Variants in CERT1 observed in about 807,000 individuals in gnomAD.
CERT1 encodes ceramide transporter 1, also known as ceramide transfer protein.
In CERT1, 31 loss-of-function variants were observed where a neutral mutation model predicts 87.9. That is an observed-to-expected ratio of 0.35 (90% CI 0.27 to 0.48). CERT1 has a LOEUF of 0.48. Among genes scored for constraint, CERT1 ranks in the 20% least tolerant of loss-of-function variants. The probability of loss-of-function intolerance (pLI) is 0.99; values close to 1 mark genes in which losing one functional copy is unlikely to be tolerated. For missense variants in CERT1, 487 were observed against 758.0 expected, an observed-to-expected ratio of 0.64 and a Z score of 4.20; for synonymous variants, 289 against 250.9, an observed-to-expected ratio of 1.15 and a Z score of -1.44.
rs1451897062 is a variant in CERT1 at position 75,511,357 on chromosome 5, G to A, written c.-150C>T. The A allele has an allele frequency of 3.1e-5, 47 of 1,539,312 alleles. No individual in the cohort carries two copies. The highest frequency in any genetic ancestry group is 3.9e-5 in the Non-Finnish European group (45 of 1,144,896). ...GGGAGCAGGAGGAGGGACGAAGTCC[G>A]CCCGCCGCGCCGCCGCCGCGCCTGA... On this transcript the variant is annotated 5_prime_UTR_variant, in exon 1 of 17. Coordinates refer to ENST00000643780, the MANE Select transcript of CERT1 (RefSeq NM_001379029.1).
intron 16 of CERT1, 37 bp downstream of exon 16, chr5:75,381,035 C>A (rs377328409): frequency 6.2e-7 from 1 of 1,607,334 alleles, no homozygotes; most frequent in African/African-American, 1.3e-5. Context: ...TCAAGAACAG[C>A]CACATTATCA....
intron 3 of CERT1, among the ~76,000 whole-genome samples, chr5:75,442,209 T>C (rs1009981516): frequency 6.6e-6 from 1 of 152,222 alleles, no homozygotes; most frequent in Non-Finnish European, 1.5e-5. Flanking sequence ...TTCATACAAC[T>C]TAGAGATATT....
chr5:75,416,405 G>A (rs528459960), intron 7 of CERT1, among the ~76,000 whole-genome samples: 3 of 152,152 alleles, frequency 2.0e-5, no homozygotes, highest in Non-Finnish European at 4.4e-5. Flanking sequence ...AACAAAGGTG[G>A]GAAAATGTGA....
chr5:75,444,226 T>G (rs1764443087), intron 3 of CERT1, among the ~76,000 whole-genome samples: 1 of 151,992 alleles, frequency 6.6e-6, no homozygotes, highest in South Asian at 2.1e-4. Context: ...CAGCTAATTT[T>G]TATAGTTTTA....
At chr5:75,440,852 T>G (rs1482479509) in intron 3 of CERT1, among the ~76,000 whole-genome samples, 1 of 152,100 alleles carries the variant, frequency 6.6e-6, no homozygotes, top group Non-Finnish European at 1.5e-5. Context: ...TCTGCTTGGT[T>G]TCAACCTTCT....
chr5:75,379,523 A>AT (rs1761470094), intron 16 of CERT1, 50 bp from the exon 17 acceptor site: 1 of 1,514,482 alleles, frequency 6.6e-7, no homozygotes, highest in African/African-American at 1.4e-5. Flanking sequence ...TTCTCCAAAC[A>AT]TATGTGAAGC....
intron 11 of CERT1, among the ~76,000 whole-genome samples, chr5:75,398,301 AC>A (rs1234792960): frequency 6.6e-6 from 1 of 152,216 alleles, no homozygotes; most frequent in Non-Finnish European, 1.5e-5. Flanking sequence ...CAATACTCTC[AC>A]AGAGGAAAAA....
chr5:75,472,226 CAGA>C (rs1765748025), intron 2 of CERT1, among the ~76,000 whole-genome samples: 1 of 152,132 alleles, frequency 6.6e-6, no homozygotes, highest in Non-Finnish European at 1.5e-5. Context: ...TATCCACATG[CAGA>C]AGAATGAAAT....
chr5:75,397,648 G>A (rs926380805), intron 11 of CERT1, among the ~76,000 whole-genome samples: 2 of 152,174 alleles, frequency 1.3e-5, no homozygotes, highest in Non-Finnish European at 2.9e-5. Context: ...GCAATGTGGA[G>A]CTTAGCACAA....
chr5:75,407,516 G>A (rs74344518), intron 8 of CERT1, among the ~76,000 whole-genome samples: 10,801 of 145,230 alleles, frequency 0.074, 514 homozygotes, highest in South Asian at 0.18. Context: ...TAAATCAATA[G>A]GGAAAAAAAA....
intron 16 of CERT1, 84 bp downstream of exon 16, chr5:75,380,988 A>G: frequency 7.1e-7 from 1 of 1,418,112 alleles, no homozygotes; most frequent in Non-Finnish European, 9.8e-7. Flanking sequence ...AAGAACTAAA[A>G]AGGCATTTGT....
intron 3 of CERT1, among the ~76,000 whole-genome samples, chr5:75,450,325 T>A (rs1764722569): frequency 1.3e-5 from 2 of 152,112 alleles, no homozygotes; most frequent in South Asian, 4.1e-4. Context: ...CTGACCAGCA[T>A]TAACATTAAA....
At chr5:75,511,680 C>T (rs923706975), upstream of CERT1, 6 of 1,531,616 alleles carry the variant, frequency 3.9e-6, no homozygotes, top group African/African-American at 1.4e-5. Flanking sequence ...CCATTCTCCC[C>T]CACTACTCCC....
chr5:75,451,398 G>A (rs920836378), intron 3 of CERT1, among the ~76,000 whole-genome samples: 1 of 152,094 alleles, frequency 6.6e-6, no homozygotes. Flanking sequence ...CTATTTATGC[G>A]TCCTTCCCTC....
intron 17 of CERT1, chr5:75,369,987 A>G (rs78749390): frequency 1.3e-3 from 198 of 152,360 alleles, no homozygotes; most frequent in African/African-American, 4.6e-3. Flanking sequence ...GGAAGATCCT[A>G]TAAAAGCAAC....
chr5:75,384,499 C>T, intron 14 of CERT1, 143 bp downstream of exon 14: 2 of 592,866 alleles, frequency 3.4e-6, no homozygotes, highest in South Asian at 2.2e-5. Flanking sequence ...CTTTTAAATA[C>T]ATGACATTCA....
At chr5:75,403,186 A>G in intron 8 of CERT1, 128 bp from the exon 9 acceptor site, 1 of 659,592 alleles carries the variant, frequency 1.5e-6, no homozygotes, top group Non-Finnish European at 2.7e-6. Context: ...TTTACAAAGC[A>G]GTCAGTATAC....
At chr5:75,401,790 A>G (rs542857524) in intron 9 of CERT1, 3 of 152,354 alleles carry the variant, frequency 2.0e-5, no homozygotes, top group Admixed American at 6.5e-5. Flanking sequence ...ATAAGAGCAT[A>G]ATAGCCATGA....
chr5:75,374,330 C>G (rs1761201681), downstream of CERT1: 1 of 498,834 alleles, frequency 2.0e-6, no homozygotes, highest in Admixed American at 3.6e-5. Context: ...TAAAATTTAT[C>G]ATTATGAATG....
Sources: allele counts gnomAD v4.1 joint callset (sites outside exome capture counted in the v4.1 genomes callset), GRCh38; gene constraint gnomAD v4.1.1; transcripts MANE v1.5; gene names NCBI Gene and HGNC (gene_info 2026-07-23, HGNC 2026-07-21).